The following MBD5 variants were observed in gnomAD, a reference collection of about 807,000 sequenced individuals.
MBD5 encodes the protein methyl-CpG binding domain protein 5.
A neutral mutation model predicts 117.3 loss-of-function variants in MBD5; 13 were observed. The ratio of observed to expected loss-of-function variants is 0.11; its 90% CI spans 0.07 to 0.18. The LOEUF is 0.18. MBD5 is among the 10% of genes least tolerant of loss of function. The pLI is 1.00. For synonymous variants in MBD5, 727 were observed against 766.4 expected, an observed-to-expected ratio of 0.95 and a Z score of 0.85; for missense variants, 1,879 against 2,093.8, an observed-to-expected ratio of 0.90 and a Z score of 2.00.
At position 148,342,722 on chromosome 2, in the gene MBD5, C is replaced by G. The variant is rs117322697; in HGVS notation, c.-557+386C>G. Among the ~76,000 whole-genome samples, 133 of 151,942 alleles carry G rather than the reference C, an allele frequency of 8.8e-4. 3 individuals are homozygous for G. In the East Asian group the frequency reaches 0.025, roughly 29 times the overall value. On this transcript the variant is annotated intron_variant, in intron 4 of 13. Transcript: ENST00000642680. Reference sequence around the variant, plus strand: ...TAAATGGTGTTTCCCTGCTCTGCTTCTTTTACTTAGTGGTTTATTTCAGCC... The same window carrying G: ...TAAATGGTGTTTCCCTGCTCTGCTTGTTTTACTTAGTGGTTTATTTCAGCC...
chr2:148,202,818 A>G (rs1482692296), intron 2 of MBD5, among the ~76,000 whole-genome samples: 1 of 152,078 alleles, frequency 6.6e-6, no homozygotes, highest in Non-Finnish European at 1.5e-5. Flanking sequence ...ACTTGAGGTC[A>G]GGAGTTCGAG....
chr2:148,216,146 C>G (rs1699549149), intron 2 of MBD5, among the ~76,000 whole-genome samples: 1 of 152,170 alleles, frequency 6.6e-6, no homozygotes, highest in South Asian at 2.1e-4. Context: ...AAAGATAGCT[C>G]TGGACAGTAG....
intron 3 of MBD5, among the ~76,000 whole-genome samples, chr2:148,341,229 A>G (rs1205790618): frequency 1.3e-5 from 2 of 152,050 alleles, no homozygotes; most frequent in East Asian, 3.9e-4. Flanking sequence ...ACCACAATCC[A>G]TATAGGTGTG....
At chr2:148,138,075 A>C (rs776612110) in intron 1 of MBD5, among the ~76,000 whole-genome samples, 1 of 152,232 alleles carries the variant, frequency 6.6e-6, no homozygotes, top group Non-Finnish European at 1.5e-5. Context: ...TTAGATAAAA[A>C]AGAAACAAAT....
At chr2:148,354,880 T>G (rs1239933312) in intron 4 of MBD5, among the ~76,000 whole-genome samples, 1 of 152,216 alleles carries the variant, frequency 6.6e-6, no homozygotes, top group East Asian at 1.9e-4. Context: ...CATACGTTTG[T>G]TGGCTGCATA....
intron 1 of MBD5, among the ~76,000 whole-genome samples, chr2:148,119,557 C>A (rs1174470772): frequency 1.3e-5 from 2 of 152,062 alleles, no homozygotes; most frequent in Admixed American, 1.3e-4. Flanking sequence ...CTTTTGGTGA[C>A]ATACCTAAAG....
At chr2:148,074,507 G>GTTTTTTTTTTTTTTTTTTTTTTT (rs11443189) in intron 1 of MBD5, among the ~76,000 whole-genome samples, 1 of 113,772 alleles carries the variant, frequency 8.8e-6, no homozygotes, top group Non-Finnish European at 1.7e-5. Context: ...TTTTTTTTTT[G>GTTTTTTTTTTTTTTTTTTTTTTT]TTTTTTTTTT....
intron 4 of MBD5, among the ~76,000 whole-genome samples, chr2:148,441,113 T>A (rs189076917): frequency 6.2e-4 from 95 of 152,248 alleles, no homozygotes; most frequent in Non-Finnish European, 1.1e-3. Context: ...AATTTTTTTT[T>A]ATTTATTATA....
chr2:148,248,360 A>G (rs143904197), intron 3 of MBD5, among the ~76,000 whole-genome samples: 1 of 152,190 alleles, frequency 6.6e-6, no homozygotes, highest in Non-Finnish European at 1.5e-5. Flanking sequence ...TTCACACTAC[A>G]TAAGTGATAC....
intron 2 of MBD5, among the ~76,000 whole-genome samples, chr2:148,231,171 TG>T (rs149514644): frequency 0.11 from 17,441 of 152,220 alleles, 1,345 homozygotes; most frequent in Non-Finnish European, 0.18. Flanking sequence ...CAGTTTATTT[TG>T]GGCCACAGAA....
intron 1 of MBD5, among the ~76,000 whole-genome samples, chr2:148,089,878 A>G (rs778044575): frequency 6.6e-6 from 1 of 152,056 alleles, no homozygotes; most frequent in Non-Finnish European, 1.5e-5. Context: ...ACACAAAACA[A>G]TACAAAAGAA....
chr2:148,284,083 T>A (rs1701314272), intron 3 of MBD5, among the ~76,000 whole-genome samples: 1 of 152,216 alleles, frequency 6.6e-6, no homozygotes, highest in Non-Finnish European at 1.5e-5. Context: ...AATAGTAGCA[T>A]ACTATATATA....
intron 2 of MBD5, among the ~76,000 whole-genome samples, chr2:148,194,870 A>G (rs753216092): frequency 6.6e-6 from 1 of 152,200 alleles, no homozygotes; most frequent in Non-Finnish European, 1.5e-5. Flanking sequence ...CACTATATTA[A>G]GTATAAATTG....
At chr2:148,049,788 G>A (rs1379547665) in intron 1 of MBD5, among the ~76,000 whole-genome samples, 2 of 152,124 alleles carry the variant, frequency 1.3e-5, no homozygotes, top group African/African-American at 2.4e-5. Flanking sequence ...GCTTATTCTG[G>A]ACATTTCATA....
intron 1 of MBD5, among the ~76,000 whole-genome samples, chr2:148,050,651 C>G (rs1252370577): frequency 6.6e-6 from 1 of 151,984 alleles, no homozygotes; most frequent in Non-Finnish European, 1.5e-5. Flanking sequence ...TACATTATAT[C>G]TTGAAGAGAC....
At chr2:148,234,979 T>C (rs116490791) in intron 3 of MBD5, among the ~76,000 whole-genome samples, 2,019 of 152,248 alleles carry the variant, frequency 0.013, 19 homozygotes, top group Middle Eastern at 0.044. Context: ...CGTTTCTCCC[T>C]TGGTATCTGC....
chr2:148,338,806 T>A (rs980004750), intron 3 of MBD5, among the ~76,000 whole-genome samples: 2 of 152,190 alleles, frequency 1.3e-5, no homozygotes, highest in African/African-American at 2.4e-5. Flanking sequence ...CTTCATCCTG[T>A]GTTTGAGAAT....
At chr2:148,445,286 C>T (rs974613189) in intron 4 of MBD5, among the ~76,000 whole-genome samples, 1 of 150,818 alleles carries the variant, frequency 6.6e-6, no homozygotes, top group Non-Finnish European at 1.5e-5. Context: ...TCCCTCCCCG[C>T]TCCCCCCACC....
At position 148,065,882 on chromosome 2, in the gene MBD5, G is replaced by GTGTA. The variant is rs147029018; in HGVS notation, c.-925+44199_-925+44202dup. 2.6e-3 allele frequency among the ~76,000 whole-genome samples: 393 copies of GTGTA among 152,328 alleles called. 1 individual carries two copies. The highest frequency in any genetic ancestry group is 8.9e-3 in the African/African-American group (368 of 41,574). ...AAGATGAACTCAGCATTTAGTTGAT[G>GTGTA]TGTAGTTAATAAGACATATCTGTAA... On this transcript the variant is annotated intron_variant, in intron 1 of 13. Transcript: ENST00000642680.
Sources: gnomAD v4.1 joint callset for allele counts (sites outside exome capture counted in the v4.1 genomes callset) on GRCh38, gnomAD v4.1.1 for gene constraint, MANE v1.5 for transcripts, NCBI Gene and HGNC (gene_info 2026-07-23, HGNC 2026-07-21) for gene names.